PPP1R12A: variants seen among roughly 807,000 people sequenced by gnomAD.
PPP1R12A encodes the protein protein phosphatase 1 regulatory subunit 12A.
In PPP1R12A, 19 loss-of-function variants were observed where a neutral mutation model predicts 139.6. That is an observed-to-expected ratio of 0.14 (90% confidence interval 0.09 to 0.20). PPP1R12A has a LOEUF of 0.20. PPP1R12A is among the 10% of genes least tolerant of loss of function. The probability of loss-of-function intolerance (pLI) is 1.00; values close to 1 mark genes in which losing one functional copy is unlikely to be tolerated. For missense variants in PPP1R12A, 925 were observed against 1,211.5 expected (o/e 0.76, Z 3.51); for synonymous variants, 427 against 420.6 (o/e 1.02, Z -0.19).
At chr12:79,922,853 A>G (rs1031306056) in intron 1 of PPP1R12A, among the ~76,000 whole-genome samples, 7 of 152,172 alleles carry the variant, frequency 4.6e-5, no homozygotes, top group Admixed American at 4.6e-4. Context: ...AAAGTAAAAA[A>G]TTTTTTAAAA....
intron 1 of PPP1R12A, among the ~76,000 whole-genome samples, chr12:79,919,744 T>C (rs1367101317): frequency 6.6e-6 from 1 of 152,270 alleles, no homozygotes; most frequent in African/African-American, 2.4e-5. Context: ...GGCTGTTCTG[T>C]TCACCATCAT....
At chr12:79,833,770 G>C (rs889616688) in intron 3 of PPP1R12A, among the ~76,000 whole-genome samples, 2 of 149,806 alleles carry the variant, frequency 1.3e-5, no homozygotes, top group Non-Finnish European at 3.0e-5. Context: ...CCAGGAGATG[G>C]AGGATGCAGT....
chr12:79,911,357 C>T (rs1300764847), intron 1 of PPP1R12A, among the ~76,000 whole-genome samples: 1 of 152,224 alleles, frequency 6.6e-6, no homozygotes, highest in East Asian at 1.9e-4. Flanking sequence ...AACAGCAAAC[C>T]AAATACTGCA....
chr12:79,814,502 G>GAAAAAAA (rs1875043894), intron 9 of PPP1R12A, among the ~76,000 whole-genome samples: 1 of 39,082 alleles, frequency 2.6e-5, no homozygotes, highest in Non-Finnish European at 4.8e-5. Flanking sequence ...AAAAAAAAAG[G>GAAAAAAA]ACTCCCCCTC....
chr12:79,777,213 AAAT>A (rs1869840701), intron 24 of PPP1R12A: 1 of 925,014 alleles, frequency 1.1e-6, no homozygotes, highest in African/African-American at 1.8e-5. Flanking sequence ...AAAGAACTGT[AAAT>A]AATAGTCATA....
chr12:79,916,892 T>G (rs772136737), intron 1 of PPP1R12A, among the ~76,000 whole-genome samples: 2 of 152,146 alleles, frequency 1.3e-5, no homozygotes, highest in African/African-American at 4.8e-5. Context: ...TTTTCTCCAA[T>G]TGAGATTTTT....
At chr12:79,897,447 C>T (rs1885231387) in intron 1 of PPP1R12A, among the ~76,000 whole-genome samples, 3 of 152,026 alleles carry the variant, frequency 2.0e-5, no homozygotes, top group Admixed American at 2.0e-4. Context: ...GTACTTTGCT[C>T]AGTACCTGGG....
intron 1 of PPP1R12A, among the ~76,000 whole-genome samples, chr12:79,922,279 AC>A (rs1294142846): frequency 2.0e-5 from 3 of 152,306 alleles, no homozygotes; most frequent in East Asian, 1.9e-4. Flanking sequence ...AACAAAAAAA[AC>A]AATAAATAAA....
rs1304342887 is a variant in PPP1R12A, at chr12:79,774,349, C to T, written c.*1580G>A. The stretch of plus-strand genomic sequence containing the variant: ...TGCTTACCAAAACACCCTTCCCCAA[C>T]CCCAAAGTAATCTAAAATAGGCAGT... On this transcript the variant is annotated 3_prime_UTR_variant, in exon 25 of 25. Coordinates refer to ENST00000450142, the MANE Select transcript of PPP1R12A (RefSeq NM_002480.3). 6.6e-6 allele frequency: 1 copy of T among 152,506 alleles called. No individual in the cohort carries two copies. Among genetic ancestry groups the T allele is most frequent in the Non-Finnish European group, 1.5e-5 (1 of 68,006 alleles). The allele number at this position is 152,506 out of a possible 1,614,324, so 9.4% of individuals were successfully genotyped here.
At chr12:79,870,402 C>A (rs968987256) in intron 2 of PPP1R12A, among the ~76,000 whole-genome samples, 2 of 152,140 alleles carry the variant, frequency 1.3e-5, no homozygotes, top group African/African-American at 4.8e-5. Context: ...CCATGCCCAA[C>A]CTGCTAAAAG....
chr12:79,776,085 A>G (rs2136954984), intron 24 of PPP1R12A, 70 bp from the exon 25 acceptor site: 1 of 974,040 alleles, frequency 1.0e-6, no homozygotes, highest in Non-Finnish European at 1.5e-6. Flanking sequence ...TTCTTAATAA[A>G]TGTTATATTT....
chr12:79,929,992 T>A (rs1592851518), intron 1 of PPP1R12A, among the ~76,000 whole-genome samples: 2 of 152,172 alleles, frequency 1.3e-5, no homozygotes, highest in African/African-American at 4.8e-5. Context: ...AAACCTTTAG[T>A]GAGCATCTAC....
At chr12:79,888,609 G>T (rs1248699080) in intron 1 of PPP1R12A, among the ~76,000 whole-genome samples, 1 of 133,604 alleles carries the variant, frequency 7.5e-6, no homozygotes, top group East Asian at 1.9e-4. Context: ...AAAAATGGCA[G>T]AGTGAAGCCA....
chr12:79,814,496 AAAAAG>A, intron 9 of PPP1R12A, among the ~76,000 whole-genome samples: 1 of 143,664 alleles, frequency 7.0e-6, no homozygotes, highest in East Asian at 2.1e-4. Flanking sequence ...AAAAAAAAAA[AAAAAG>A]GACTCCCCCT....
chr12:79,798,881 G>T (rs1872765210), intron 14 of PPP1R12A, among the ~76,000 whole-genome samples: 1 of 151,808 alleles, frequency 6.6e-6, no homozygotes. Flanking sequence ...AGGATTTAGA[G>T]AACTGAAGAT....
At chr12:79,935,232 G>GTGCGCA, upstream of PPP1R12A, 2 of 1,240,974 alleles carry the variant, frequency 1.6e-6, no homozygotes, top group Non-Finnish European at 2.0e-6. Flanking sequence ...CCTTCGACCA[G>GTGCGCA]TGCGCATGCG....
chr12:79,814,570 C>T (rs1327409624), intron 9 of PPP1R12A, among the ~76,000 whole-genome samples: 6 of 146,020 alleles, frequency 4.1e-5, no homozygotes, highest in South Asian at 2.2e-4. Context: ...AATCCTAGCA[C>T]TTTGCAAGGC....
chr12:79,809,744 G>A (rs1456726808), intron 10 of PPP1R12A, 51 bp downstream of exon 10: 10 of 1,426,832 alleles, frequency 7.0e-6, no homozygotes, highest in Non-Finnish European at 9.6e-6. Flanking sequence ...GATGTTCCTG[G>A]AAAAGAAATC....
chr12:79,931,480 C>G (rs1888248804), intron 1 of PPP1R12A, among the ~76,000 whole-genome samples: 1 of 152,092 alleles, frequency 6.6e-6, no homozygotes, highest in Non-Finnish European at 1.5e-5. Context: ...AGGCTAAAAT[C>G]AACAGGCTAA....
Sources: allele counts gnomAD v4.1 joint callset (sites outside exome capture counted in the v4.1 genomes callset), GRCh38; gene constraint gnomAD v4.1.1; transcripts MANE v1.5; gene names NCBI Gene and HGNC (gene_info 2026-07-23, HGNC 2026-07-21).